ZNF608: variants seen among roughly 807,000 people sequenced by gnomAD.
ZNF608 encodes renal carcinoma antigen NY-REN-36.
Under a neutral mutation model 109.0 loss-of-function variants are expected in ZNF608, and 12 were observed. The ratio of observed to expected loss-of-function variants is 0.11; its 90% CI spans 0.07 to 0.18. ZNF608 has a LOEUF of 0.18. Among genes scored for constraint, ZNF608 ranks in the 10% least tolerant of loss-of-function variants. ZNF608 has a pLI of 1.00. For synonymous variants in ZNF608, 732 were observed against 717.4 expected (o/e 1.02, Z -0.33); for missense variants, 1,707 against 1,879.3 (o/e 0.91, Z 1.70).
At chr5:124,695,311 T>C (rs1752803259) in intron 3 of ZNF608, among the ~76,000 whole-genome samples, 1 of 152,160 alleles carries the variant, frequency 6.6e-6, no homozygotes, top group African/African-American at 2.4e-5. Context: ...TTACTGAAAA[T>C]ACAAAGTAAG....
rs1159172010 is a variant in ZNF608 at position 124,637,508 on chromosome 5, A to G, written c.*392T>C. Reference sequence around the variant, plus strand: ...TAACATTATTTATTTACAATTTTAAAGGAAAAGGAAAAGAAAGTAAGTAGC... The same window carrying G: ...TAACATTATTTATTTACAATTTTAAGGGAAAAGGAAAAGAAAGTAAGTAGC... On this transcript the variant is annotated 3_prime_UTR_variant, in exon 10 of 10. Transcript: ENST00000513986. 6.5e-6 allele frequency: 1 copy of G among 152,742 alleles called. No individual in the cohort carries two copies. Among genetic ancestry groups the G allele is most frequent in the Non-Finnish European group, 1.5e-5 (1 of 68,102 alleles). The allele number at this position is 152,742 out of a possible 1,614,324, so 9.5% of individuals were successfully genotyped here.
intron 2 of ZNF608, among the ~76,000 whole-genome samples, chr5:124,701,635 A>G (rs1753056187): frequency 1.3e-5 from 2 of 152,224 alleles, no homozygotes; most frequent in Non-Finnish European, 2.9e-5. Flanking sequence ...AAATTATAAC[A>G]GTTTCTAAAG....
intron 3 of ZNF608, among the ~76,000 whole-genome samples, chr5:124,690,924 A>C (rs191557595): frequency 1.2e-3 from 101 of 86,994 alleles, no homozygotes; most frequent in Middle Eastern, 9.6e-3. Flanking sequence ...GCAACAGAAA[A>C]ACACACACAC....
In ZNF608 at chr5:124,647,425, A is replaced by G; in HGVS notation, c.2959T>C (p.Ser987Pro). 1 of 1,614,204 alleles carries G rather than the reference A, an allele frequency of 6.2e-7. No individual in the cohort carries two copies. The highest frequency in any genetic ancestry group is 8.5e-7 in the Non-Finnish European group (1 of 1,180,038). The change falls in exon 5 of 10, where the codon TCT becomes CCT. Residue 987 changes from serine (S) to proline (P), a missense_variant. Transcript: ENST00000513986. ...GGAGAATGGGACTCTTTCAGTTGAGATGATTGTGCTGTAGTTGAAGAATGC... is the reference window on the plus strand; with the variant it reads ...GGAGAATGGGACTCTTTCAGTTGAGGTGATTGTGCTGTAGTTGAAGAATGC... Reference protein sequence around the residue: ...KGHSSTTAQSSQLKESHSPYY... With the variant: ...KGHSSTTAQSPQLKESHSPYY...
At chr5:124,712,444 T>C (rs1208540159) in intron 2 of ZNF608, among the ~76,000 whole-genome samples, 3 of 152,216 alleles carry the variant, frequency 2.0e-5, no homozygotes, top group Middle Eastern at 3.4e-3. Flanking sequence ...GTGGCTGAGT[T>C]GGCTCAGGGA....
chr5:124,717,310 TA>T (rs35078986), intron 2 of ZNF608, among the ~76,000 whole-genome samples: 32 of 143,968 alleles, frequency 2.2e-4, no homozygotes, highest in East Asian at 2.1e-4. Flanking sequence ...TACTAAAAAT[TA>T]AAAAAAAAAA....
chr5:124,704,529 A>G (rs1335290725), intron 2 of ZNF608, among the ~76,000 whole-genome samples: 1 of 152,316 alleles, frequency 6.6e-6, no homozygotes, highest in Admixed American at 6.5e-5. Context: ...TGGGGATTAC[A>G]GCCACTCCCA....
At position 124,746,374 on chromosome 5, in the gene ZNF608, C is replaced by A; in HGVS notation, c.-363G>T. On this transcript the variant is annotated 5_prime_UTR_variant, in exon 1 of 10. Transcript: ENST00000513986. Reference sequence around the variant, plus strand: ...ATAACATTATTCCACCTCCCCACCCCCCTTTTGGCAAACGAATCAGTCCTT... The same window carrying A: ...ATAACATTATTCCACCTCCCCACCCACCTTTTGGCAAACGAATCAGTCCTT... 4.1e-6 allele frequency: 4 copies of A among 985,370 alleles called. No homozygotes were observed. Among genetic ancestry groups the A allele is most frequent in the Middle Eastern group, 5.2e-4 (1 of 1,914 alleles). The allele number at this position is 985,370 out of a possible 1,614,324, so 61.0% of individuals were successfully genotyped here.
intron 3 of ZNF608, among the ~76,000 whole-genome samples, chr5:124,672,543 T>G (rs564765834): frequency 3.0e-4 from 46 of 152,346 alleles, no homozygotes; most frequent in Admixed American, 6.5e-4. Context: ...CCTTCACTTA[T>G]TTTCACTGTA....
rs752716811 is a variant in ZNF608, at chr5:124,648,389, G to C, written c.1995C>G (p.Gly665=). Reference sequence around the variant, plus strand: ...GAAGGTTGTTCAGTTCATTGTTAAGGCCCTTCTTTTTGCCAGAATTCTTCC... The same window carrying C: ...GAAGGTTGTTCAGTTCATTGTTAAGCCCCTTCTTTTTGCCAGAATTCTTCC... ...KAGKNSGKKK[G]LNNELNNLPV... The change falls in exon 5 of 10, where the codon GGC becomes GGG. Residue 665 remains glycine, a synonymous_variant. Coordinates refer to ENST00000513986, the MANE Select transcript of ZNF608 (RefSeq NM_020747.3). 1.2e-6 allele frequency: 2 copies of C among 1,614,144 alleles called. No homozygotes were observed. Among genetic ancestry groups the C allele is most frequent in the Admixed American group, 3.3e-5 (2 of 60,010 alleles).
intron 2 of ZNF608, among the ~76,000 whole-genome samples, chr5:124,741,896 C>T (rs1749425042): frequency 6.6e-6 from 1 of 152,126 alleles, no homozygotes. Context: ...CAGAGAATGG[C>T]CAACACTACA....
In ZNF608 at chr5:124,647,073, T is replaced by G; in HGVS notation, c.3311A>C (p.Gln1104Pro). The G allele has an allele frequency of 6.2e-7, 1 of 1,614,190 alleles. No homozygotes were observed. Among genetic ancestry groups the G allele is most frequent in the South Asian group, 1.1e-5 (1 of 91,080 alleles). Residue 1104 changes from glutamine (Q) to proline (P), a missense_variant, in exon 5 of 10, where the codon CAG (glutamine) becomes CCG (proline). By Grantham distance (76) the Gln-to-Pro change is moderately conservative. Coordinates refer to ENST00000513986, the MANE Select transcript of ZNF608 (RefSeq NM_020747.3). ...CTGGTCCTCATAGTACTTCTCATAC[T>G]GCTGTCTATAGGCAGGGCTGGTGGC... ...LMATSPAYRQ[Q>P]YEKYYEDQRL...
At chr5:124,684,834 C>T (rs1394489018) in intron 3 of ZNF608, among the ~76,000 whole-genome samples, 2 of 152,128 alleles carry the variant, frequency 1.3e-5, no homozygotes, top group African/African-American at 2.4e-5. Flanking sequence ...AGCTACAGGT[C>T]TTTTCTCAAA....
At chr5:124,719,231 AATGT>A (rs1478055400) in intron 2 of ZNF608, among the ~76,000 whole-genome samples, 1 of 152,238 alleles carries the variant, frequency 6.6e-6, no homozygotes, top group Non-Finnish European at 1.5e-5. Flanking sequence ...CACTTGCAAA[AATGT>A]ATGTCACAGG....
chr5:124,647,006 G>A lies in ZNF608; in HGVS notation c.3378C>T (p.Asp1126=). 1.7e-5 allele frequency: 28 copies of A among 1,614,020 alleles called. No homozygotes were observed. The highest frequency in any genetic ancestry group is 2.4e-5 in the Non-Finnish European group (28 of 1,179,998). The change falls in exon 5 of 10, where the codon GAC becomes GAT. Residue 1126 remains aspartate (D), a synonymous_variant. Transcript: ENST00000513986. ...AGGGGAGCTCACTTTTCCTTTCACAGTCTCCTCTCCCAGTCTGGGCCATTT... is the reference window on the plus strand; with the variant it reads ...AGGGGAGCTCACTTTTCCTTTCACAATCTCCTCTCCCAGTCTGGGCCATTT... ...EQKMAQTGRG[D]CERKSELPLK...
chr5:124,727,833 G>A (rs150530134), intron 2 of ZNF608, among the ~76,000 whole-genome samples: 2,256 of 150,846 alleles, frequency 0.015, 69 homozygotes, highest in African/African-American at 0.052. Context: ...TCCATCTCCC[G>A]GGTTAAAGCG....
intron 3 of ZNF608, among the ~76,000 whole-genome samples, chr5:124,688,995 T>A (rs890903511): frequency 3.7e-4 from 57 of 152,196 alleles, no homozygotes; most frequent in African/African-American, 1.4e-3. Flanking sequence ...TATACACCAA[T>A]AATAAGTAGA....
intron 3 of ZNF608, among the ~76,000 whole-genome samples, chr5:124,669,226 G>A (rs561374072): frequency 1.1e-4 from 17 of 152,216 alleles, no homozygotes; most frequent in South Asian, 1.0e-3. Context: ...ATCCCCCACC[G>A]AAATCACATT....
chr5:124,644,695 C>G (rs750820359), intron 5 of ZNF608, 34 bp from the exon 6 acceptor site: 5 of 1,507,546 alleles, frequency 3.3e-6, no homozygotes, highest in Non-Finnish European at 3.5e-6. Flanking sequence ...AAAAACCCAA[C>G]AGATTTGTTT....
Sources: allele counts gnomAD v4.1 joint callset (sites outside exome capture counted in the v4.1 genomes callset), GRCh38; gene constraint gnomAD v4.1.1; transcripts MANE v1.5; gene names NCBI Gene and HGNC (gene_info 2026-07-23, HGNC 2026-07-21).